The following XPNPEP1 variants were observed in gnomAD, a reference collection of about 807,000 sequenced individuals.
XPNPEP1 encodes X-prolyl aminopeptidase 1, also known as xaa-Pro aminopeptidase 1.
A neutral mutation model predicts 92.4 loss-of-function variants in XPNPEP1; 39 were observed. The ratio of observed to expected loss-of-function variants is 0.42; its 90% CI spans 0.33 to 0.55. XPNPEP1 has a LOEUF of 0.55. XPNPEP1 is among the 20% of genes least tolerant of loss of function. XPNPEP1 has a pLI of 0.08. For synonymous variants in XPNPEP1, 307 were observed against 299.4 expected, an observed-to-expected ratio of 1.03 and a Z score of -0.26; for missense variants, 654 against 856.1, an observed-to-expected ratio of 0.76 and a Z score of 2.95.
chr10:109,891,608 C>T, intron 5 of XPNPEP1, 114 bp downstream of exon 5: 1 of 804,582 alleles, frequency 1.2e-6, no homozygotes, highest in Non-Finnish European at 1.9e-6. Context: ...TCCTTGGATT[C>T]TCAAAAGGGT....
At chr10:109,892,837 G>T (rs1438826312) in intron 4 of XPNPEP1, among the ~76,000 whole-genome samples, 175 bp downstream of exon 4, 2 of 152,190 alleles carry the variant, frequency 1.3e-5, no homozygotes, top group Non-Finnish European at 2.9e-5. Flanking sequence ...TTACTGAAAG[G>T]TGACCTTGGG....
intron 6 of XPNPEP1, 73 bp downstream of exon 6, chr10:109,888,430 G>T: frequency 6.9e-7 from 1 of 1,443,258 alleles, no homozygotes; most frequent in Non-Finnish European, 9.4e-7. Context: ...CACCCCACAA[G>T]CAAATGAGGA....
intron 3 of XPNPEP1, among the ~76,000 whole-genome samples, chr10:109,906,267 C>G (rs1429918816): frequency 6.6e-6 from 1 of 152,170 alleles, no homozygotes; most frequent in Admixed American, 6.5e-5. Context: ...CTACATATAC[C>G]AATCAAGTTC....
At chr10:109,884,768 C>A (rs1178425523) in intron 8 of XPNPEP1, among the ~76,000 whole-genome samples, 1 of 152,198 alleles carries the variant, frequency 6.6e-6, no homozygotes, top group Non-Finnish European at 1.5e-5. Context: ...TGCGGACAGC[C>A]AGTAACAGTG....
intron 15 of XPNPEP1, among the ~76,000 whole-genome samples, chr10:109,874,398 T>C (rs746146170): frequency 2.6e-5 from 4 of 152,180 alleles, no homozygotes; most frequent in Non-Finnish European, 5.9e-5. Context: ...ACCCTAAAAA[T>C]ATCCAAGTAC....
chr10:109,868,712 A>G lies in XPNPEP1; in HGVS notation c.1774T>C (p.Tyr592His). Residue 592 changes from tyrosine to histidine, a missense_variant and splice_region_variant, in exon 20 of 21, where the codon TAT becomes CAT. Tyr to His is a moderately conservative substitution (Grantham distance 83, BLOSUM62 2). Coordinates refer to ENST00000502935, the MANE Select transcript of XPNPEP1 (RefSeq NM_020383.4). ...VVLVVPVKTK[Y>H]NFNNRGSLTF... ...AGGCTTCCCCGGTTATTAAAATTAT[A>G]CTGCGGGAGAAAGAAGAAAACAGAT... 1 of 1,613,270 alleles carries G rather than the reference A, an allele frequency of 6.2e-7. No homozygotes were observed. The highest frequency in any genetic ancestry group is 8.5e-7 in the Non-Finnish European group (1 of 1,179,220).
chr10:109,908,473 G>A (rs1384536780), intron 2 of XPNPEP1, among the ~76,000 whole-genome samples: 1 of 152,134 alleles, frequency 6.6e-6, no homozygotes, highest in Non-Finnish European at 1.5e-5. Flanking sequence ...GTGGTGGCAC[G>A]TGCCTGTAGT....
At chr10:109,918,851 G>A (rs1381568976) in intron 1 of XPNPEP1, among the ~76,000 whole-genome samples, 1 of 22,560 alleles carries the variant, frequency 4.4e-5, no homozygotes, top group Non-Finnish European at 1.4e-4. Context: ...AAGGAAGGAA[G>A]GAAGGAGGGA....
intron 17 of XPNPEP1, 160 bp from the exon 18 acceptor site, chr10:109,871,064 C>A: frequency 1.3e-6 from 1 of 795,884 alleles, no homozygotes; most frequent in South Asian, 2.3e-5. Flanking sequence ...ACAATCAGAG[C>A]TCCTGAGAAA....
intron 17 of XPNPEP1, among the ~76,000 whole-genome samples, 181 bp downstream of exon 17, chr10:109,871,611 C>A (rs1847480619): frequency 6.6e-6 from 1 of 152,164 alleles, no homozygotes; most frequent in Non-Finnish European, 1.5e-5. Flanking sequence ...AACCCGGCTC[C>A]CTGAGGCCTC....
At position 109,887,985 on chromosome 10, in the gene XPNPEP1, G is replaced by C. The variant is rs957198375; in HGVS notation, c.652+64C>G. ...CTTGGATTCGGAGGACGAGGCTGGA[G>C]ACAATAGCAAGAGGTGGGGGGACAA... On this transcript the variant is annotated intron_variant, in intron 7 of 20. Coordinates refer to ENST00000502935, the MANE Select transcript of XPNPEP1 (RefSeq NM_020383.4). 3.5e-5 allele frequency: 56 copies of C among 1,593,048 alleles called. No individual in the cohort carries two copies. The African/African-American group carries it at 6.7e-4, about 19-fold the overall frequency.
At chr10:109,906,009 G>A (rs1375165090) in intron 3 of XPNPEP1, among the ~76,000 whole-genome samples, 2 of 152,190 alleles carry the variant, frequency 1.3e-5, no homozygotes, top group Admixed American at 6.5e-5. Context: ...GGTTAATACA[G>A]GCCTGACCTT....
intron 20 of XPNPEP1, among the ~76,000 whole-genome samples, chr10:109,866,652 T>C (rs1053057601): frequency 2.0e-5 from 3 of 152,174 alleles, no homozygotes; most frequent in Non-Finnish European, 2.9e-5. Context: ...CTGGCCATAT[T>C]CATATCTGAC....
intron 1 of XPNPEP1, among the ~76,000 whole-genome samples, chr10:109,918,833 GAGGAAGGAAGGAAGGAAGGAAGGAGGGA>G (rs1315778834): frequency 0.13 from 14,535 of 112,664 alleles, 1,417 homozygotes; most frequent in Non-Finnish European, 0.18. Flanking sequence ...GAAAGGAAAG[GAGGAAGGAAGGAAGGAAGGAAGGAGGGA>G]AGGAAGGAAG....
At chr10:109,891,413 G>C (rs1478883449) in intron 5 of XPNPEP1, 1 of 211,358 alleles carries the variant, frequency 4.7e-6, no homozygotes, top group Non-Finnish European at 9.3e-6. Context: ...TCATGAGGCA[G>C]CAAATAGTAG....
chr10:109,878,093 A>G, intron 12 of XPNPEP1, 35 bp from the exon 13 acceptor site: 1 of 1,612,510 alleles, frequency 6.2e-7, no homozygotes, highest in Non-Finnish European at 8.5e-7. Flanking sequence ...ATCTGGTGAG[A>G]TAAATTCATG....
At chr10:109,868,756 T>C (rs748315921) in intron 19 of XPNPEP1, 44 bp from the exon 20 acceptor site, 16 of 1,560,750 alleles carry the variant, frequency 1.0e-5, no homozygotes, top group Admixed American at 1.7e-5. Flanking sequence ...TCCTCTTTAC[T>C]ATGCTGAAGC....
intron 10 of XPNPEP1, 26 bp from the exon 11 acceptor site, chr10:109,880,957 G>A: frequency 1.2e-6 from 2 of 1,604,500 alleles, no homozygotes; most frequent in African/African-American, 2.7e-5. Context: ...AGTAGGGTGG[G>A]AAATCAAACC....
At chr10:109,884,831 T>A (rs1396739640) in intron 8 of XPNPEP1, among the ~76,000 whole-genome samples, 1 of 152,194 alleles carries the variant, frequency 6.6e-6, no homozygotes, top group East Asian at 1.9e-4. Context: ...ACAGTTCTGG[T>A]CCCAGGACTT....
Sources: allele counts gnomAD v4.1 joint callset (sites outside exome capture counted in the v4.1 genomes callset), GRCh38; gene constraint gnomAD v4.1.1; transcripts MANE v1.5; gene names NCBI Gene and HGNC (gene_info 2026-07-23, HGNC 2026-07-21).